Variants in NOS1 observed in about 807,000 individuals in gnomAD.
The protein encoded by NOS1 is nitric oxide synthase 1.
NOS1 carries 51 observed loss-of-function variants against 164.5 expected under a neutral mutation model. The observed-to-expected ratio is 0.31, with a 90% CI of 0.25 to 0.39. The LOEUF (loss-of-function observed/expected upper bound fraction) is 0.39. Ranked by LOEUF, NOS1 falls within the 10% of genes least tolerant of loss-of-function variation. The pLI, the probability that NOS1 is intolerant of heterozygous loss-of-function variation, is 1.00. For synonymous variants in NOS1, 719 were observed against 745.8 expected (o/e 0.96, Z 0.59); for missense variants, 1,362 against 1,885.6 (o/e 0.72, Z 5.14).
At chr12:117,299,390 G>A (rs1873647647) in intron 3 of NOS1, among the ~76,000 whole-genome samples, 1 of 152,124 alleles carries the variant, frequency 6.6e-6, no homozygotes. Flanking sequence ...TGTAATCCCA[G>A]CACTTTGGGA....
At chr12:117,358,625 G>A (rs1876970997) in intron 1 of NOS1, among the ~76,000 whole-genome samples, 1 of 152,190 alleles carries the variant, frequency 6.6e-6, no homozygotes, top group Admixed American at 6.5e-5. Context: ...GGGAGTTACT[G>A]TTCTCATTTT....
intron 3 of NOS1, among the ~76,000 whole-genome samples, chr12:117,307,860 TA>T (rs1425499861): frequency 6.6e-6 from 1 of 151,662 alleles, no homozygotes; most frequent in Non-Finnish European, 1.5e-5. Flanking sequence ...CCAAAAAATG[TA>T]AAAATTACCC....
At chr12:117,300,852 G>C (rs925737064) in intron 3 of NOS1, among the ~76,000 whole-genome samples, 1 of 152,142 alleles carries the variant, frequency 6.6e-6, no homozygotes, top group Non-Finnish European at 1.5e-5. Context: ...TTTCTCAAAT[G>C]CTTCGAGAGA....
At chr12:117,349,289 T>C (rs1876505182) in intron 1 of NOS1, among the ~76,000 whole-genome samples, 1 of 152,256 alleles carries the variant, frequency 6.6e-6, no homozygotes, top group African/African-American at 2.4e-5. Flanking sequence ...ACAGCATAGA[T>C]CAGCACTTCA....
At chr12:117,264,430 A>G (rs914736605) in intron 12 of NOS1, among the ~76,000 whole-genome samples, 3 of 151,082 alleles carry the variant, frequency 2.0e-5, no homozygotes, top group African/African-American at 7.3e-5. Flanking sequence ...ATGCCACCAC[A>G]CTCAGCTAAT....
At chr12:117,334,140 G>A (rs1023485804) in intron 1 of NOS1, among the ~76,000 whole-genome samples, 5 of 152,164 alleles carry the variant, frequency 3.3e-5, no homozygotes, top group African/African-American at 1.2e-4. Flanking sequence ...GAAGCAATTG[G>A]CAACAGCCCC....
chr12:117,300,421 A>G (rs1023260934), intron 3 of NOS1, among the ~76,000 whole-genome samples: 6 of 152,182 alleles, frequency 3.9e-5, no homozygotes, highest in Non-Finnish European at 8.8e-5. Flanking sequence ...CCCAAACACT[A>G]GTCAATTCAC....
At chr12:117,231,276 C>A (rs1331582898) in intron 22 of NOS1, among the ~76,000 whole-genome samples, 1 of 151,378 alleles carries the variant, frequency 6.6e-6, no homozygotes, top group African/African-American at 2.4e-5. Context: ...CGAGATTGCG[C>A]CACGGCACTC....
chr12:117,210,010 T>C lies in NOS1; in HGVS notation c.*5299A>G. 1 of 980,372 alleles carries C rather than the reference T, an allele frequency of 1.0e-6. No individual in the cohort carries two copies. Among genetic ancestry groups the C allele is most frequent in the African/African-American group, 1.7e-5 (1 of 57,248 alleles). The allele number at this position is 980,372 out of a possible 1,614,324, so 60.7% of individuals were successfully genotyped here. On this transcript the variant is annotated 3_prime_UTR_variant, in exon 29 of 29. Coordinates refer to ENST00000317775, the MANE Select transcript of NOS1 (RefSeq NM_000620.5). ...TTTTTAGAGACAGGGTCTTGCTCTG[T>C]CACTCAGGCTGGAGTGCAGTGGTGC...
At chr12:117,217,278 G>T (rs2135918600) in intron 28 of NOS1, among the ~76,000 whole-genome samples, 1 of 152,246 alleles carries the variant, frequency 6.6e-6, no homozygotes, top group Middle Eastern at 3.4e-3. Context: ...AGCTCCAGGG[G>T]CGATCCCATT....
At chr12:117,260,100 C>A (rs1871771061) in intron 14 of NOS1, among the ~76,000 whole-genome samples, 2 of 136,702 alleles carry the variant, frequency 1.5e-5, no homozygotes, top group African/African-American at 2.7e-5. Flanking sequence ...GCCTGGGTGA[C>A]AGAGTGAAAC....
chr12:117,259,064 T>G lies in NOS1; in HGVS notation c.2434A>C (p.Ser812Arg). The change falls in exon 15 of 29, where the codon AGC becomes CGC. Residue 812 changes from serine to arginine, a missense_variant. By Grantham distance (110) the Ser-to-Arg change is moderately radical (BLOSUM62 -1). Transcript: ENST00000317775. The stretch of plus-strand genomic sequence containing the variant: ...GGGGGATCTCCATTGCCAAAGGTGC[T>G]GGTGACCACAAGGACCAGAGTTTCA... ...EHETLVLVVT[S>R]TFGNGDPPEN... 6.2e-7 allele frequency: 1 copy of G among 1,614,172 alleles called. No individual in the cohort carries two copies. Among genetic ancestry groups the G allele is most frequent in the Non-Finnish European group, 8.5e-7 (1 of 1,180,016 alleles).
At chr12:117,318,252 G>A (rs1874757313) in intron 2 of NOS1, among the ~76,000 whole-genome samples, 1 of 152,108 alleles carries the variant, frequency 6.6e-6, no homozygotes, top group East Asian at 1.9e-4. Flanking sequence ...CCTAGCATCT[G>A]CATCATCAGA....
At chr12:117,295,007 C>T (rs1014504888) in intron 3 of NOS1, among the ~76,000 whole-genome samples, 2 of 152,206 alleles carry the variant, frequency 1.3e-5, no homozygotes, top group Admixed American at 6.5e-5. Context: ...TCAGCCTGGG[C>T]TCCAGAGCTG....
At chr12:117,260,118 C>CAAAAAAAAAAAAAAA (rs60261967) in intron 14 of NOS1, among the ~76,000 whole-genome samples, 1 of 115,800 alleles carries the variant, frequency 8.6e-6, no homozygotes. Context: ...AACTCCTTCT[C>CAAAAAAAAAAAAAAA]AAAAAAAAAA....
chr12:117,337,104 C>CTATTTTTTTTTTTT (rs1566082153), intron 1 of NOS1, among the ~76,000 whole-genome samples: 1 of 94,074 alleles, frequency 1.1e-5, no homozygotes. Context: ...CTGCTTTTTA[C>CTATTTTTTTTTTTT]TCTTTTTTTT....
intron 14 of NOS1, among the ~76,000 whole-genome samples, chr12:117,259,544 C>T (rs1871719035): frequency 6.6e-6 from 1 of 152,150 alleles, no homozygotes; most frequent in Non-Finnish European, 1.5e-5. Flanking sequence ...TCTTCTCAAC[C>T]TCCTCTCTAA....
intron 2 of NOS1, among the ~76,000 whole-genome samples, chr12:117,313,421 A>G: frequency 6.6e-6 from 1 of 152,106 alleles, no homozygotes; most frequent in Non-Finnish European, 1.5e-5. Context: ...CTGCCCCTCC[A>G]GTAGCTGGGA....
At chr12:117,303,742 G>A (rs1042503986) in intron 3 of NOS1, among the ~76,000 whole-genome samples, 1 of 152,174 alleles carries the variant, frequency 6.6e-6, no homozygotes, top group South Asian at 2.1e-4. Context: ...CAAGGGAAAC[G>A]ATGCTTAATA....
Sources: allele counts gnomAD v4.1 joint callset (sites outside exome capture counted in the v4.1 genomes callset), GRCh38; gene constraint gnomAD v4.1.1; transcripts MANE v1.5; gene names NCBI Gene and HGNC (gene_info 2026-07-23, HGNC 2026-07-21).